The following ANXA8 variants were observed in gnomAD, a reference collection of about 807,000 sequenced individuals.
ANXA8 encodes annexin A8.
Under a neutral mutation model 26.8 loss-of-function variants are expected in ANXA8, and 9 were observed. That is an observed-to-expected ratio of 0.34 (90% CI 0.20 to 0.59). The LOEUF (loss-of-function observed/expected upper bound fraction) is 0.59. Among genes scored for constraint, ANXA8 ranks in the 20% least tolerant of loss-of-function variants. The probability of loss-of-function intolerance (pLI) is 0.84; values close to 1 mark genes in which losing one functional copy is unlikely to be tolerated. For missense variants in ANXA8, 83 were observed against 238.5 expected (o/e 0.35, Z 4.29); for synonymous variants, 39 against 94.8 (o/e 0.41, Z 3.42).
chr10:47,959,846 T>C, the ANXA8 span, among the ~76,000 whole-genome samples: 1 of 151,192 alleles, frequency 6.6e-6, no homozygotes, highest in Non-Finnish European at 1.5e-5. Context: ...TGCCCGCTTC[T>C]AAGCTCAGGG....
the ANXA8 span, among the ~76,000 whole-genome samples, chr10:47,918,431 A>AAGAAAGAG: frequency 1.8e-3 from 56 of 31,094 alleles, 4 homozygotes; most frequent in East Asian, 7.5e-3. Flanking sequence ...GAAAGAAAGA[A>AAGAAAGAG]AGAGAGAGAG....
At chr10:47,762,338 C>A in the ANXA8 span, among the ~76,000 whole-genome samples, 1 of 147,218 alleles carries the variant, frequency 6.8e-6, no homozygotes, top group South Asian at 2.2e-4. Flanking sequence ...CGCTGGCCAC[C>A]TGGGGCGGGC....
At chr10:47,704,903 A>G in the ANXA8 span, among the ~76,000 whole-genome samples, 1 of 152,038 alleles carries the variant, frequency 6.6e-6, no homozygotes, top group African/African-American at 2.4e-5. Flanking sequence ...TAATTGGAAG[A>G]TTTAACATTG....
At chr10:47,755,193 A>G in the ANXA8 span, among the ~76,000 whole-genome samples, 87 of 151,038 alleles carry the variant, frequency 5.8e-4, no homozygotes, top group Middle Eastern at 3.5e-3. Flanking sequence ...TTGATGTCGT[A>G]ATCCACCCCT....
chr10:47,973,860 T>C, the ANXA8 span, among the ~76,000 whole-genome samples: 1 of 151,206 alleles, frequency 6.6e-6, no homozygotes, highest in African/African-American at 2.4e-5. Flanking sequence ...TCTTTGTATG[T>C]CTGATAGAAT....
chr10:47,704,795 A>T, the ANXA8 span, among the ~76,000 whole-genome samples: 1 of 152,200 alleles, frequency 6.6e-6, no homozygotes, highest in East Asian at 1.9e-4. Context: ...TTGTACTAAT[A>T]GTAATAAATG....
chr10:47,471,458 GT>G, intron 10 of ANXA8, 74 bp from the exon 11 acceptor site: 1 of 13,432 alleles, frequency 7.4e-5, no homozygotes, highest in Non-Finnish European at 1.2e-4. Flanking sequence ...ACGGATCTGT[GT>G]GGTTGGGTTC....
chr10:47,969,951 T>A, the ANXA8 span: 1 of 151,384 alleles, frequency 6.6e-6, no homozygotes, highest in Non-Finnish European at 1.5e-5. Flanking sequence ...CTCTCTTTTT[T>A]AATGCTTTTC....
chr10:47,980,165 C>A, the ANXA8 span, among the ~76,000 whole-genome samples: 1 of 150,886 alleles, frequency 6.6e-6, no homozygotes, highest in Non-Finnish European at 1.5e-5. Context: ...ATGACACACT[C>A]CAAAATAATC....
the ANXA8 span, among the ~76,000 whole-genome samples, chr10:47,967,710 G>T: frequency 1.1e-5 from 1 of 88,916 alleles, no homozygotes; most frequent in Non-Finnish European, 2.5e-5. Context: ...TACTAAAACT[G>T]CTCTCTTCAG....
At chr10:47,928,944 T>C in the ANXA8 span, among the ~76,000 whole-genome samples, 1 of 116,482 alleles carries the variant, frequency 8.6e-6, no homozygotes, top group Admixed American at 9.1e-5. Context: ...GTCTTTTTTT[T>C]TTCTTTTTTT....
the ANXA8 span, among the ~76,000 whole-genome samples, chr10:47,669,834 T>G: frequency 6.6e-6 from 1 of 152,154 alleles, no homozygotes; most frequent in Non-Finnish European, 1.5e-5. Flanking sequence ...ATTTCTAATT[T>G]TTTTTTTGTT....
At chr10:47,485,540 C>T (rs1245405316), upstream of ANXA8, among the ~76,000 whole-genome samples, 7 of 152,088 alleles carry the variant, frequency 4.6e-5, no homozygotes, top group Non-Finnish European at 1.0e-4. Flanking sequence ...TAGATGAGAT[C>T]CAGAAGTATG....
chr10:47,494,849 G>C, the ANXA8 span, among the ~76,000 whole-genome samples: 6 of 152,030 alleles, frequency 3.9e-5, no homozygotes, highest in Admixed American at 6.5e-5. Context: ...AGTGTGGACC[G>C]AGTTAAGGGA....
the ANXA8 span, among the ~76,000 whole-genome samples, chr10:47,920,518 A>G: frequency 9.1e-6 from 1 of 110,444 alleles, no homozygotes; most frequent in Non-Finnish European, 1.9e-5. Flanking sequence ...AGTGACATTC[A>G]TGACAGCCGA....
chr10:47,632,220 T>C, the ANXA8 span, among the ~76,000 whole-genome samples: 3 of 150,654 alleles, frequency 2.0e-5, 1 homozygote, highest in South Asian at 6.2e-4. Context: ...TATCACCATA[T>C]AGACACAGGA....
chr10:47,474,699 C>T (rs1839453127), intron 7 of ANXA8, among the ~76,000 whole-genome samples: 1 of 86,824 alleles, frequency 1.2e-5, no homozygotes, highest in Non-Finnish European at 2.3e-5. Context: ...GGCCTAGCGC[C>T]CCCGGGTTCA....
At chr10:47,584,808 C>T in the ANXA8 span, among the ~76,000 whole-genome samples, 1 of 126,724 alleles carries the variant, frequency 7.9e-6, no homozygotes, top group Non-Finnish European at 1.6e-5. Flanking sequence ...TGAATATAGG[C>T]CGGGAGTGGT....
At chr10:47,607,557 T>C in the ANXA8 span, among the ~76,000 whole-genome samples, 1 of 136,830 alleles carries the variant, frequency 7.3e-6, no homozygotes, top group African/African-American at 2.9e-5. Context: ...TTATTTATCA[T>C]TTTGCAAATT....
Sources: gnomAD v4.1 joint callset for allele counts (sites outside exome capture counted in the v4.1 genomes callset) on GRCh38, gnomAD v4.1.1 for gene constraint, MANE v1.5 for transcripts, NCBI Gene and HGNC (gene_info 2026-07-23, HGNC 2026-07-21) for gene names.